DENND1A: variants seen among roughly 807,000 people sequenced by gnomAD.
The protein encoded by DENND1A is DENN domain containing 1A.
In DENND1A, 51 loss-of-function variants were observed where a neutral mutation model predicts 113.7. The observed-to-expected ratio is 0.45, with a 90% CI of 0.36 to 0.57. DENND1A has a LOEUF of 0.57. Among genes scored for constraint, DENND1A ranks in the 20% least tolerant of loss-of-function variants. The pLI, the probability that DENND1A is intolerant of heterozygous loss-of-function variation, is 0.00. For synonymous variants in DENND1A, 565 were observed against 570.8 expected, an observed-to-expected ratio of 0.99 and a Z score of 0.14; for missense variants, 1,258 against 1,395.9, an observed-to-expected ratio of 0.90 and a Z score of 1.57.
At chr9:123,805,409 T>A (rs886529771) in intron 2 of DENND1A, among the ~76,000 whole-genome samples, 1 of 151,694 alleles carries the variant, frequency 6.6e-6, no homozygotes, top group South Asian at 2.1e-4. Flanking sequence ...ATATACCATA[T>A]ACACATAGCC....
rs974369482 is a variant in DENND1A, at chr9:123,422,851, G to A, written c.1489-11022C>T. Among the ~76,000 whole-genome samples, 11 of 152,124 alleles carry A rather than the reference G, an allele frequency of 7.2e-5. No individual in the cohort carries two copies. Among genetic ancestry groups the A allele is most frequent in the Non-Finnish European group, 1.5e-4 (10 of 68,028 alleles). On this transcript the variant is annotated intron_variant, in intron 19 of 23. Coordinates refer to ENST00000394215, the MANE Select transcript of DENND1A (RefSeq NM_001352964.2). This position sits in a 1 kb window ranked among gnomAD's most constrained non-coding sequence, Gnocchi z 4.8. ...GCCCTTGTAATGATCAGCTCTGGTC[G>A]ATGTGCTTACCGCAGCAGCCCCTGA...
intron 5 of DENND1A, among the ~76,000 whole-genome samples, chr9:123,717,900 G>A (rs1165770945): frequency 6.6e-6 from 1 of 152,156 alleles, no homozygotes; most frequent in African/African-American, 2.4e-5. Flanking sequence ...TTGCAAAGGA[G>A]CTACAAAGGC....
rs756123272 is a variant in DENND1A, at chr9:123,452,285, G to A, written c.1290C>T (p.Val430=). Residue 430 remains valine (V), a synonymous_variant, in exon 17 of 24, where the codon GTC becomes GTT. Transcript: ENST00000394215. ...KTKANPAMKT[V]YKFAKDHAKM... ...CAAGACCAGTACTTACGAACTTGTAGACAGTCTTCATGGCCGGATTTGCTT... is the reference window on the plus strand; with the variant it reads ...CAAGACCAGTACTTACGAACTTGTAAACAGTCTTCATGGCCGGATTTGCTT... 1.9e-6 allele frequency: 3 copies of A among 1,614,118 alleles called. No homozygotes were observed. The African/African-American group carries it at 4.0e-5, about 22-fold the overall frequency.
intron 6 of DENND1A, among the ~76,000 whole-genome samples, chr9:123,672,886 C>G (rs555234232): frequency 1.3e-5 from 2 of 152,316 alleles, no homozygotes; most frequent in South Asian, 2.1e-4. Context: ...GAAATTAACA[C>G]TGATGCAGAA....
chr9:123,394,225 T>C (rs1191959444), intron 21 of DENND1A, among the ~76,000 whole-genome samples: 1 of 152,158 alleles, frequency 6.6e-6, no homozygotes, highest in Non-Finnish European at 1.5e-5. Flanking sequence ...CTTGAACTCC[T>C]AAACTTAGGC....
intron 13 of DENND1A, among the ~76,000 whole-genome samples, chr9:123,470,123 G>A (rs955684177): frequency 4.6e-5 from 7 of 152,158 alleles, no homozygotes; most frequent in South Asian, 4.1e-4. Context: ...CTCGGCTCTT[G>A]GAGCCTCTGT....
chr9:123,667,215 G>A (rs1004369342), intron 7 of DENND1A, 136 bp from the exon 8 acceptor site: 1 of 821,106 alleles, frequency 1.2e-6, no homozygotes, highest in African/African-American at 1.8e-5. Flanking sequence ...AAACACCCAT[G>A]GAATATTTTC....
intron 21 of DENND1A, among the ~76,000 whole-genome samples, chr9:123,397,167 TC>T (rs2043178198): frequency 1.3e-5 from 2 of 152,210 alleles, no homozygotes; most frequent in South Asian, 4.1e-4. Context: ...GTTTCCTTTT[TC>T]TTTTTTTTTA....
At chr9:123,724,758 A>C (rs2141215015) in intron 5 of DENND1A, among the ~76,000 whole-genome samples, 1 of 152,332 alleles carries the variant, frequency 6.6e-6, no homozygotes, top group African/African-American at 2.4e-5. Flanking sequence ...AGACTAAGAG[A>C]TATTCTGAAA....
At chr9:123,419,882 A>G (rs1229623941) in intron 19 of DENND1A, among the ~76,000 whole-genome samples, 1 of 151,934 alleles carries the variant, frequency 6.6e-6, no homozygotes, top group Non-Finnish European at 1.5e-5. Flanking sequence ...CTTGCGGGGG[A>G]GGATCAAATA....
At chr9:123,851,042 G>GA (rs996398246) in intron 2 of DENND1A, among the ~76,000 whole-genome samples, 3 of 150,294 alleles carry the variant, frequency 2.0e-5, no homozygotes, top group South Asian at 2.1e-4. Context: ...ACACAAGAAT[G>GA]AAAAAAAAAT....
chr9:123,892,039 G>A (rs1331318266), intron 1 of DENND1A, among the ~76,000 whole-genome samples: 1 of 152,192 alleles, frequency 6.6e-6, no homozygotes, highest in Non-Finnish European at 1.5e-5. Context: ...TGAGTTTGCA[G>A]CACAGAGTGC....
chr9:123,563,918 C>G (rs1024131146), intron 12 of DENND1A, among the ~76,000 whole-genome samples: 13 of 152,134 alleles, frequency 8.5e-5, no homozygotes, highest in Admixed American at 5.2e-4. Flanking sequence ...AAAATACAAG[C>G]CTCCAACTTT....
chr9:123,878,278 C>T (rs181415443), intron 2 of DENND1A, among the ~76,000 whole-genome samples: 2 of 151,928 alleles, frequency 1.3e-5, no homozygotes, highest in South Asian at 4.2e-4. Context: ...ATACCTTTGG[C>T]AAAATGTATC....
chr9:123,401,618 C>A, intron 21 of DENND1A: 2 of 1,434,518 alleles, frequency 1.4e-6, no homozygotes, highest in Non-Finnish European at 1.8e-6. Flanking sequence ...TATTTCAACC[C>A]CAAATATTTT....
chr9:123,682,491 G>A (rs866800038), intron 5 of DENND1A, among the ~76,000 whole-genome samples: 1 of 152,082 alleles, frequency 6.6e-6, no homozygotes, highest in African/African-American at 2.4e-5. Context: ...TTTTGCCAAC[G>A]TGTTTCCAAT....
At chr9:123,876,863 A>G (rs1002061430) in intron 2 of DENND1A, among the ~76,000 whole-genome samples, 2 of 152,226 alleles carry the variant, frequency 1.3e-5, no homozygotes, top group Admixed American at 1.3e-4. Context: ...AAAATGTGGA[A>G]TACTACTCAG....
chr9:123,804,462 A>G (rs1835210280), intron 2 of DENND1A, among the ~76,000 whole-genome samples: 1 of 151,996 alleles, frequency 6.6e-6, no homozygotes, highest in South Asian at 2.1e-4. Context: ...CTCCTTGCTG[A>G]TCTCTCCCTA....
chr9:123,557,642 A>G lies in DENND1A; in HGVS notation c.921T>C (p.Gly307=), dbSNP rs1320008389. Reference sequence around the variant, plus strand: ...GGGCCTTGAGGAACGCTCTGGCCACACCATCCCCAGTGGTTGTGGAGACCT... The same window carrying G: ...GGGCCTTGAGGAACGCTCTGGCCACGCCATCCCCAGTGGTTGTGGAGACCT... ...LKKVSTTTGD[G]VARAFLKAQA... is the part of the protein sequence containing the mutation. The change falls in exon 13 of 24, where the codon GGT becomes GGC. Residue 307 remains glycine, a synonymous_variant. Transcript: ENST00000394215. 1.2e-6 allele frequency: 2 copies of G among 1,614,086 alleles called. No individual in the cohort carries two copies. The highest frequency in any genetic ancestry group is 1.7e-6 in the Non-Finnish European group (2 of 1,179,980).
Sources: allele counts gnomAD v4.1 joint callset (sites outside exome capture counted in the v4.1 genomes callset), GRCh38; gene constraint gnomAD v4.1.1; non-coding constraint Gnocchi (gnomAD v3.1); transcripts MANE v1.5; gene names NCBI Gene and HGNC (gene_info 2026-07-23, HGNC 2026-07-21).